Variants in RASAL2 observed in about 807,000 individuals in gnomAD.
RASAL2 encodes the protein RAS protein activator like 2, also known as ras GTPase-activating protein nGAP.
RASAL2 carries 58 observed loss-of-function variants against 128.9 expected under a neutral mutation model. That is an observed-to-expected ratio of 0.45 (90% CI 0.36 to 0.56). The LOEUF is 0.56. Among genes scored for constraint, RASAL2 ranks in the 20% least tolerant of loss-of-function variants. The probability of loss-of-function intolerance (pLI) is 0.00; values close to 1 mark genes in which losing one functional copy is unlikely to be tolerated. For missense variants in RASAL2, 1,360 were observed against 1,601.6 expected (o/e 0.85, Z 2.57); for synonymous variants, 561 against 580.8 (o/e 0.97, Z 0.49).
intron 2 of RASAL2, among the ~76,000 whole-genome samples, chr1:178,296,143 G>T (rs76441821): frequency 7.7e-6 from 1 of 129,724 alleles, no homozygotes; most frequent in African/African-American, 4.5e-5. Context: ...ATATGTGTGT[G>T]TATATATGTG....
intron 3 of RASAL2, among the ~76,000 whole-genome samples, chr1:178,329,224 G>A (rs943627233): frequency 5.3e-5 from 8 of 152,176 alleles, no homozygotes; most frequent in Admixed American, 3.9e-4. Context: ...AAAGATGTAG[G>A]GAGTGCTGTG....
At position 178,387,255 on chromosome 1, in the gene RASAL2, T is replaced by C. The variant is rs77780453; in HGVS notation, c.458-2845T>C. Among the ~76,000 whole-genome samples, 506 of 152,316 alleles carry C rather than the reference T, an allele frequency of 3.3e-3. 3 individuals carry two copies. Among genetic ancestry groups the C allele is most frequent in the African/African-American group, 0.012 (490 of 41,562 alleles). ...TCTTCCCCTTCTTTCCCCTTTTTAG[T>C]GGAAATTGTTCAAACTTCAGGAATG... On this transcript the variant is annotated intron_variant, in intron 3 of 17. Coordinates refer to ENST00000367649, the MANE Select transcript of RASAL2 (RefSeq NM_170692.4).
rs542469464 is a variant in RASAL2, at chr1:178,451,245, TAAC to T, written c.1628-323_1628-321del. Among the ~76,000 whole-genome samples, 423 of 152,316 alleles carry T rather than the reference TAAC, an allele frequency of 2.8e-3. 1 individual carries two copies. The highest frequency in any genetic ancestry group is 9.6e-3 in the African/African-American group (400 of 41,586). On this transcript the variant is annotated intron_variant, in intron 9 of 17. Coordinates refer to ENST00000367649, the MANE Select transcript of RASAL2 (RefSeq NM_170692.4). ...CCTAAGTAGAGCGAGCCTTAAAACA[TAAC>T]AAGTTTGTACTAATTAAACATATAT...
At chr1:178,381,519 T>C (rs1027879137) in intron 3 of RASAL2, among the ~76,000 whole-genome samples, 5 of 152,190 alleles carry the variant, frequency 3.3e-5, no homozygotes, top group African/African-American at 9.6e-5. Flanking sequence ...TTTTGTACAG[T>C]GTCATGTGCA....
intron 1 of RASAL2, among the ~76,000 whole-genome samples, chr1:178,167,145 T>C (rs1661544853): frequency 6.6e-6 from 1 of 152,142 alleles, no homozygotes; most frequent in Admixed American, 6.6e-5. Context: ...TTCTTTAGGC[T>C]TTAATAATAT....
At chr1:178,153,571 C>T (rs1660981929) in intron 1 of RASAL2, among the ~76,000 whole-genome samples, 1 of 152,086 alleles carries the variant, frequency 6.6e-6, no homozygotes, top group Non-Finnish European at 1.5e-5. Flanking sequence ...AATATGTGTT[C>T]TATTGTATCT....
At chr1:178,209,045 T>A (rs896755067) in intron 1 of RASAL2, among the ~76,000 whole-genome samples, 2 of 152,138 alleles carry the variant, frequency 1.3e-5, no homozygotes, top group African/African-American at 2.4e-5. Flanking sequence ...TCTTATTCAA[T>A]TTTTCCTTAA....
chr1:178,132,139 G>A (rs1269965154), intron 1 of RASAL2, among the ~76,000 whole-genome samples: 1 of 151,740 alleles, frequency 6.6e-6, no homozygotes, highest in Non-Finnish European at 1.5e-5. Context: ...CTCCTGGGCT[G>A]TAGCCATCCT....
intron 1 of RASAL2, among the ~76,000 whole-genome samples, chr1:178,257,617 G>T (rs1665433157): frequency 6.6e-6 from 1 of 151,956 alleles, no homozygotes; most frequent in African/African-American, 2.4e-5. Context: ...GCAGGTGGCT[G>T]CCCACGTGCT....
At position 178,254,983 on chromosome 1, in the gene RASAL2, A is replaced by G. The variant is rs570823597; in HGVS notation, c.203-28581A>G. ...AGATTAACATCTTCTCTGTGGGGGAAAAAAAAAGGAAGCCAGGAGACAATA... is the reference window on the plus strand; with the variant it reads ...AGATTAACATCTTCTCTGTGGGGGAGAAAAAAAGGAAGCCAGGAGACAATA... On this transcript the variant is annotated intron_variant, in intron 1 of 17. Coordinates refer to ENST00000367649, the MANE Select transcript of RASAL2 (RefSeq NM_170692.4). Among the ~76,000 whole-genome samples, 5 of 151,990 alleles carry G rather than the reference A, an allele frequency of 3.3e-5. No individual in the cohort carries two copies. In the East Asian group the frequency reaches 5.8e-4, roughly 18 times the overall value.
intron 1 of RASAL2, among the ~76,000 whole-genome samples, chr1:178,141,149 C>G (rs1660512019): frequency 6.6e-6 from 1 of 151,836 alleles, no homozygotes. Flanking sequence ...ACACCTCTGA[C>G]CAGGCCCCAT....
rs568335705 is a variant in RASAL2 at position 178,186,696 on chromosome 1, A to G, written c.202+92002A>G. On this transcript the variant is annotated intron_variant, in intron 1 of 17. Transcript: ENST00000367649. ...TATATAACCAGTTTTCAGTAATTTAATTATTATGTGTCTTGGTGTGGTTTT... is the reference window on the plus strand; with the variant it reads ...TATATAACCAGTTTTCAGTAATTTAGTTATTATGTGTCTTGGTGTGGTTTT... 2.0e-5 allele frequency among the ~76,000 whole-genome samples: 3 copies of G among 151,930 alleles called. No individual in the cohort carries two copies. In the East Asian group the frequency reaches 5.8e-4, roughly 29 times the overall value.
chr1:178,197,085 G>A (rs781338118), intron 1 of RASAL2, among the ~76,000 whole-genome samples: 1 of 152,158 alleles, frequency 6.6e-6, no homozygotes, highest in African/African-American at 2.4e-5. Context: ...AGGCCGAGGT[G>A]GACAGATCAC....
At chr1:178,125,941 C>G (rs1659883811) in intron 1 of RASAL2, among the ~76,000 whole-genome samples, 1 of 152,118 alleles carries the variant, frequency 6.6e-6, no homozygotes. Context: ...GGACACCTAC[C>G]TAAGGAGCAA....
Position 178,452,663 on chromosome 1 carries a change from C to A in RASAL2, c.2009+11C>A. 1 of 1,585,252 alleles carries A rather than the reference C, an allele frequency of 6.3e-7. No individual in the cohort carries two copies. Among genetic ancestry groups the A allele is most frequent in the Non-Finnish European group, 8.7e-7 (1 of 1,154,456 alleles). The stretch of plus-strand genomic sequence containing the variant: ...GGCCAACTTTGCCAAGTAGGTGATA[C>A]TGTTGTAACCACTTTAAAAACACAG... On this transcript the variant is annotated intron_variant, in intron 11 of 17. Coordinates refer to ENST00000367649, the MANE Select transcript of RASAL2 (RefSeq NM_170692.4).
chr1:178,246,103 G>A (rs1204364467), intron 1 of RASAL2, among the ~76,000 whole-genome samples: 1 of 152,160 alleles, frequency 6.6e-6, no homozygotes, highest in African/African-American at 2.4e-5. Context: ...GTTCTGTGAA[G>A]AAAGTCAGTG....
At chr1:178,119,491 C>T (rs968531087) in intron 1 of RASAL2, among the ~76,000 whole-genome samples, 1 of 152,190 alleles carries the variant, frequency 6.6e-6, no homozygotes, top group African/African-American at 2.4e-5. Context: ...TGATACACTG[C>T]ATAGACTCAA....
chr1:178,301,520 C>T (rs1323889345), intron 3 of RASAL2, among the ~76,000 whole-genome samples: 3 of 151,988 alleles, frequency 2.0e-5, no homozygotes, highest in South Asian at 2.1e-4. Flanking sequence ...GCAGCCTCCA[C>T]CTACTTGGTT....
intron 1 of RASAL2, among the ~76,000 whole-genome samples, chr1:178,220,455 A>G (rs1406714959): frequency 6.6e-6 from 1 of 152,218 alleles, no homozygotes; most frequent in Admixed American, 6.5e-5. Context: ...TATTTATCAT[A>G]GATTACCATA....
Sources: gnomAD v4.1 joint callset for allele counts (sites outside exome capture counted in the v4.1 genomes callset) on GRCh38, gnomAD v4.1.1 for gene constraint, MANE v1.5 for transcripts, NCBI Gene and HGNC (gene_info 2026-07-23, HGNC 2026-07-21) for gene names.